The following SFMBT2 variants were observed in gnomAD, a reference collection of about 807,000 sequenced individuals.
SFMBT2 encodes scm-like with four MBT domains protein 2.
In SFMBT2, 38 loss-of-function variants were observed where a neutral mutation model predicts 110.1. The observed-to-expected ratio is 0.35, with a 90% confidence interval of 0.27 to 0.45. The LOEUF (loss-of-function observed/expected upper bound fraction) is 0.45. Among genes scored for constraint, SFMBT2 ranks in the 20% least tolerant of loss-of-function variants. The pLI, the probability that SFMBT2 is intolerant of heterozygous loss-of-function variation, is 1.00. For synonymous variants in SFMBT2, 425 were observed against 425.4 expected, an observed-to-expected ratio of 1.00 and a Z score of 0.01; for missense variants, 1,011 against 1,094.9, an observed-to-expected ratio of 0.92 and a Z score of 1.08.
chr10:7,376,519 G>A (rs1285364888), intron 2 of SFMBT2, among the ~76,000 whole-genome samples: 3 of 151,470 alleles, frequency 2.0e-5, no homozygotes, highest in East Asian at 3.9e-4. Flanking sequence ...CTGACATGGT[G>A]AAACTCCGTC....
chr10:7,194,113 T>C (rs1206936984), intron 15 of SFMBT2, among the ~76,000 whole-genome samples: 4 of 152,188 alleles, frequency 2.6e-5, no homozygotes, highest in African/African-American at 9.6e-5. Flanking sequence ...GGTCACCAGC[T>C]GGGCCTGTGC....
At chr10:7,235,915 C>T (rs780985625) in intron 9 of SFMBT2, among the ~76,000 whole-genome samples, 7 of 152,040 alleles carry the variant, frequency 4.6e-5, no homozygotes, top group Non-Finnish European at 7.4e-5. Flanking sequence ...CTTATATCCA[C>T]GAAAGGAAAT....
chr10:7,208,252 T>C (rs113482276), intron 11 of SFMBT2, among the ~76,000 whole-genome samples: 22 of 152,280 alleles, frequency 1.4e-4, no homozygotes, highest in African/African-American at 5.1e-4. Flanking sequence ...AGGTTCCTGG[T>C]ACACAAGGTC....
In SFMBT2 at chr10:7,276,747, C is replaced by A. The variant is rs190939875; in HGVS notation, c.870+145G>T. 893 of 606,886 alleles carry A rather than the reference C, an allele frequency of 1.5e-3. 10 individuals carry two copies. In the African/African-American group the frequency reaches 0.015, roughly 10 times the overall value. 37.6% of individuals were successfully genotyped at this position (606,886 alleles called of 1,614,324 possible). ...TTCACCATGTTAGCCAGGATGGTCTCGATCTCCTGATGTCGTGATCCGCCC... is the reference window on the plus strand; with the variant it reads ...TTCACCATGTTAGCCAGGATGGTCTAGATCTCCTGATGTCGTGATCCGCCC... On this transcript the variant is annotated intron_variant, in intron 7 of 20. Transcript: ENST00000397167.
intron 1 of SFMBT2, among the ~76,000 whole-genome samples, chr10:7,409,562 C>T (rs909935645): frequency 1.3e-5 from 2 of 152,032 alleles, no homozygotes; most frequent in Admixed American, 6.5e-5. Context: ...AGTTGCGTTT[C>T]GGTGCCCTGG....
chr10:7,202,553 T>A, intron 12 of SFMBT2, 31 bp from the exon 13 acceptor site: 1 of 1,614,124 alleles, frequency 6.2e-7, no homozygotes, highest in Middle Eastern at 1.6e-4. Context: ...AAAAAGAAAA[T>A]CAGCTTTGTT....
intron 7 of SFMBT2, among the ~76,000 whole-genome samples, chr10:7,269,916 C>T (rs557830674): frequency 6.6e-6 from 1 of 151,314 alleles, no homozygotes; most frequent in South Asian, 2.1e-4. Context: ...ACATTACCTT[C>T]GTGTAAGCAG....
At chr10:7,290,826 G>C (rs1009082238) in intron 4 of SFMBT2, among the ~76,000 whole-genome samples, 3 of 152,150 alleles carry the variant, frequency 2.0e-5, no homozygotes, top group African/African-American at 7.2e-5. Flanking sequence ...AACAGAGTAA[G>C]ACCATGTCTG....
At chr10:7,375,664 A>G (rs1845180672) in intron 2 of SFMBT2, among the ~76,000 whole-genome samples, 1 of 151,930 alleles carries the variant, frequency 6.6e-6, no homozygotes, top group East Asian at 1.9e-4. Context: ...GCCACCCCAC[A>G]GGCAGGGACA....
intron 4 of SFMBT2, among the ~76,000 whole-genome samples, chr10:7,320,886 T>G (rs1843165003): frequency 6.6e-6 from 1 of 152,166 alleles, no homozygotes; most frequent in Non-Finnish European, 1.5e-5. Flanking sequence ...TCCAAGCGCA[T>G]AAGGGCCTGC....
intron 11 of SFMBT2, among the ~76,000 whole-genome samples, chr10:7,209,118 T>A (rs1839251969): frequency 6.6e-6 from 1 of 152,136 alleles, no homozygotes; most frequent in African/African-American, 2.4e-5. Flanking sequence ...AGCTTATGAG[T>A]CTACATTTAT....
chr10:7,215,672 G>A (rs1254755746), intron 11 of SFMBT2: 6 of 985,334 alleles, frequency 6.1e-6, no homozygotes, highest in Non-Finnish European at 7.2e-6. Flanking sequence ...CTGCAGGGAG[G>A]AGAGTCCGCT....
At chr10:7,202,683 T>C (rs1838996249) in intron 12 of SFMBT2, 161 bp from the exon 13 acceptor site, 29 of 985,374 alleles carry the variant, frequency 2.9e-5, no homozygotes, top group Non-Finnish European at 3.5e-5. Flanking sequence ...CAGTTTCTTC[T>C]AGCATAGGAT....
At chr10:7,201,423 G>A (rs1424671891) in intron 13 of SFMBT2, among the ~76,000 whole-genome samples, 1 of 152,160 alleles carries the variant, frequency 6.6e-6, no homozygotes, top group Non-Finnish European at 1.5e-5. Context: ...ATTCAAGTTT[G>A]GATTCGGTCA....
At chr10:7,225,130 G>T (rs917109313) in intron 10 of SFMBT2, among the ~76,000 whole-genome samples, 1 of 152,052 alleles carries the variant, frequency 6.6e-6, no homozygotes, top group Non-Finnish European at 1.5e-5. Context: ...CCCATCGGCC[G>T]CTTGAAAAAC....
At chr10:7,186,141 G>A (rs1838395714) in intron 16 of SFMBT2, among the ~76,000 whole-genome samples, 1 of 152,082 alleles carries the variant, frequency 6.6e-6, no homozygotes, top group Non-Finnish European at 1.5e-5. Flanking sequence ...GTAGGTAACA[G>A]TGTAAGTTTT....
chr10:7,241,908 C>T (rs1840441408), intron 9 of SFMBT2, among the ~76,000 whole-genome samples: 1 of 152,198 alleles, frequency 6.6e-6, no homozygotes, highest in East Asian at 1.9e-4. Context: ...AAACAGCCAA[C>T]CATTTTTTCA....
At chr10:7,326,877 A>AT (rs1843400640) in intron 4 of SFMBT2, among the ~76,000 whole-genome samples, 1 of 152,158 alleles carries the variant, frequency 6.6e-6, no homozygotes, top group Non-Finnish European at 1.5e-5. Flanking sequence ...AAACCGAACT[A>AT]GATTCCCTTT....
chr10:7,263,480 G>A (rs1259381157), intron 7 of SFMBT2, among the ~76,000 whole-genome samples: 2 of 152,200 alleles, frequency 1.3e-5, no homozygotes, highest in African/African-American at 4.8e-5. Context: ...GACCTCAGGT[G>A]ATCCACCCGC....
Sources: allele counts gnomAD v4.1 joint callset (sites outside exome capture counted in the v4.1 genomes callset), GRCh38; gene constraint gnomAD v4.1.1; transcripts MANE v1.5; gene names NCBI Gene and HGNC (gene_info 2026-07-23, HGNC 2026-07-21).